The following IL19 variants were observed in gnomAD, a reference collection of about 807,000 sequenced individuals.
The protein encoded by IL19 is interleukin-19.
Under a neutral mutation model 19.5 loss-of-function variants are expected in IL19, and 15 were observed. That is an observed-to-expected ratio of 0.77 (90% CI 0.52 to 1.19). The LOEUF (loss-of-function observed/expected upper bound fraction) is 1.19. IL19 is among the 50% of genes most tolerant of loss of function. The pLI is 0.00. For synonymous variants in IL19, 78 were observed against 78.3 expected (o/e 1.00, Z 0.02); for missense variants, 199 against 213.1 (o/e 0.93, Z 0.41).
At chr1:206,781,435 AAAAG>A (rs1675127509) in intron 1 of IL19, among the ~76,000 whole-genome samples, 1 of 149,328 alleles carries the variant, frequency 6.7e-6, no homozygotes, top group Non-Finnish European at 1.5e-5. Context: ...AAAAAAAAAA[AAAAG>A]AAAAAAAAAG....
At chr1:206,804,186 A>T (rs1182932177) in intron 2 of IL19, among the ~76,000 whole-genome samples, 1 of 152,138 alleles carries the variant, frequency 6.6e-6, no homozygotes, top group Admixed American at 6.5e-5. Flanking sequence ...TGCCACATTC[A>T]CCTGCCTATC....
At chr1:206,825,709 G>C (rs1368059559) in intron 2 of IL19, among the ~76,000 whole-genome samples, 2 of 152,182 alleles carry the variant, frequency 1.3e-5, no homozygotes, top group African/African-American at 4.8e-5. Context: ...TCCCCACCAG[G>C]AACCCAGCTT....
At chr1:206,776,133 T>C (rs1290716866) in intron 1 of IL19, among the ~76,000 whole-genome samples, 7 of 152,164 alleles carry the variant, frequency 4.6e-5, no homozygotes, top group Admixed American at 1.3e-4. Context: ...TAGCTGCAAA[T>C]GAAGGAAAAC....
Position 206,836,756 on chromosome 1 carries a change from A to G in IL19, c.94A>G (p.Thr32Ala). The G allele has an allele frequency of 6.2e-7, 1 of 1,613,700 alleles. No homozygotes were observed. Among genetic ancestry groups the G allele is most frequent in the East Asian group, 2.2e-5 (1 of 44,882 alleles). Residue 32 changes from threonine (T) to alanine (A), a missense_variant, in exon 3 of 7, where the codon ACA becomes GCA. Physicochemically the swap from Thr to Ala is moderately conservative, Grantham distance 58 (BLOSUM62 0). Transcript: ENST00000659997. ...NHGLRRCLISTDMHHIEESFQ... is the reference protein window; with the variant it reads ...NHGLRRCLISADMHHIEESFQ... ...CGGTCTCAGGAGATGTCTGATTTCC[A>G]CAGACATGCACCATATAGAAGAGAG...
chr1:206,829,499 A>C (rs955919447), intron 2 of IL19, among the ~76,000 whole-genome samples: 2 of 152,120 alleles, frequency 1.3e-5, no homozygotes, highest in Non-Finnish European at 2.9e-5. Flanking sequence ...TCTAGGTGAG[A>C]TGAGCCTGTG....
At chr1:206,773,074 C>G (rs1468385801) in intron 1 of IL19, among the ~76,000 whole-genome samples, 3 of 152,184 alleles carry the variant, frequency 2.0e-5, no homozygotes, top group Non-Finnish European at 2.9e-5. Context: ...CAGGCGGGGT[C>G]ACAGGATGTG....
chr1:206,792,303 C>T (rs981477111), intron 1 of IL19, among the ~76,000 whole-genome samples: 24 of 152,186 alleles, frequency 1.6e-4, no homozygotes, highest in Admixed American at 7.2e-4. Context: ...CAACCTGGCA[C>T]GGCCTCATAC....
chr1:206,834,330 C>T lies in IL19; in HGVS notation c.-2-2331C>T, dbSNP rs909046821. 3 of 985,482 alleles carry T rather than the reference C, an allele frequency of 3.0e-6. No individual in the cohort carries two copies. In the African/African-American group the frequency reaches 5.2e-5, roughly 17 times the overall value. The allele number at this position is 985,482 out of a possible 1,614,324, so 61.0% of individuals were successfully genotyped here. Reference sequence around the variant, plus strand: ...CTCTTATCCACCTGAATAAAAATGACCAGCCCTTTCCAAATGGCAGAGAGC... The same window carrying T: ...CTCTTATCCACCTGAATAAAAATGATCAGCCCTTTCCAAATGGCAGAGAGC... On this transcript the variant is annotated intron_variant, in intron 2 of 6. Coordinates refer to ENST00000659997, the MANE Select transcript of IL19 (RefSeq NM_153758.5).
chr1:206,779,776 C>T (rs1171721597), intron 1 of IL19, among the ~76,000 whole-genome samples: 1 of 152,020 alleles, frequency 6.6e-6, no homozygotes, highest in Non-Finnish European at 1.5e-5. Flanking sequence ...GCACTCTTCA[C>T]TTTCTACTTC....
At chr1:206,840,547 T>G (rs896559710) in intron 5 of IL19, 2 of 209,604 alleles carry the variant, frequency 9.5e-6, no homozygotes, top group African/African-American at 2.3e-5. Flanking sequence ...CACCTCTCTG[T>G]GCCTCGGATT....
At chr1:206,803,624 T>C (rs1268260955) in intron 2 of IL19, among the ~76,000 whole-genome samples, 3 of 152,160 alleles carry the variant, frequency 2.0e-5, no homozygotes, top group African/African-American at 4.8e-5. Flanking sequence ...GAAAGGATTA[T>C]TCCCCTGGGG....
chr1:206,806,520 T>A (rs112456942), intron 2 of IL19, among the ~76,000 whole-genome samples: 25 of 152,294 alleles, frequency 1.6e-4, no homozygotes, highest in African/African-American at 6.0e-4. Flanking sequence ...TTTTAATCTG[T>A]GAAGGAAAGA....
At chr1:206,774,004 G>C (rs1572541142) in intron 1 of IL19, among the ~76,000 whole-genome samples, 1 of 152,324 alleles carries the variant, frequency 6.6e-6, no homozygotes, top group East Asian at 1.9e-4. Flanking sequence ...GGCATTTCCA[G>C]TGTTCTGCTA....
At chr1:206,831,539 C>T (rs377467924) in intron 2 of IL19, among the ~76,000 whole-genome samples, 24 of 152,178 alleles carry the variant, frequency 1.6e-4, no homozygotes, top group Middle Eastern at 3.4e-3. Flanking sequence ...CTTATTGTTC[C>T]CCCTTCTTCC....
At chr1:206,797,098 A>G (rs72756948) in intron 1 of IL19, among the ~76,000 whole-genome samples, 29,098 of 151,996 alleles carry the variant, frequency 0.19, 3,052 homozygotes, top group Non-Finnish European at 0.23. Context: ...GTCAGGGCTC[A>G]CTCCCTGCAG....
At chr1:206,808,216 A>G (rs1252568779) in intron 2 of IL19, among the ~76,000 whole-genome samples, 1 of 152,244 alleles carries the variant, frequency 6.6e-6, no homozygotes, top group Non-Finnish European at 1.5e-5. Context: ...CTGTAATCCC[A>G]GCTACTCTGG....
chr1:206,806,241 T>C (rs1178796673), intron 2 of IL19, among the ~76,000 whole-genome samples: 1 of 152,126 alleles, frequency 6.6e-6, no homozygotes, highest in Non-Finnish European at 1.5e-5. Context: ...CCTAGAGTCA[T>C]ATGGACTGCA....
intron 6 of IL19, among the ~76,000 whole-genome samples, chr1:206,842,268 A>G (rs911727982): frequency 6.6e-6 from 1 of 152,214 alleles, no homozygotes; most frequent in Non-Finnish European, 1.5e-5. Flanking sequence ...GAGGAAAAAA[A>G]AACCTGAGGG....
intron 1 of IL19, among the ~76,000 whole-genome samples, chr1:206,784,769 G>C (rs542825599): frequency 1.3e-5 from 2 of 152,350 alleles, no homozygotes; most frequent in Admixed American, 1.3e-4. Flanking sequence ...CCTAGAAAGC[G>C]CTTCACATCT....
Sources: allele counts gnomAD v4.1 joint callset (sites outside exome capture counted in the v4.1 genomes callset), GRCh38; gene constraint gnomAD v4.1.1; transcripts MANE v1.5; gene names NCBI Gene and HGNC (gene_info 2026-07-23, HGNC 2026-07-21).